SLTM: variants seen among roughly 807,000 people sequenced by gnomAD.
SLTM encodes the protein SAFB-like transcription modulator.
SLTM carries 43 observed loss-of-function variants against 134.6 expected under a neutral mutation model. That is an observed-to-expected ratio of 0.32 (90% CI 0.25 to 0.41). The LOEUF is 0.41. SLTM is among the 10% of genes least tolerant of loss of function. SLTM has a pLI of 1.00. For synonymous variants in SLTM, 424 were observed against 432.3 expected (o/e 0.98, Z 0.24); for missense variants, 1,055 against 1,288.8 (o/e 0.82, Z 2.78).
chr15:58,910,711 C>T (rs1255605692), intron 5 of SLTM, among the ~76,000 whole-genome samples: 1 of 149,062 alleles, frequency 6.7e-6, no homozygotes, highest in African/African-American at 2.5e-5. Context: ...AAGGTACTCT[C>T]TCAATTTGAG....
intron 2 of SLTM, among the ~76,000 whole-genome samples, chr15:58,930,065 T>C (rs2037758366): frequency 6.6e-6 from 1 of 152,144 alleles, no homozygotes; most frequent in Non-Finnish European, 1.5e-5. Flanking sequence ...CTAGAGCTTT[T>C]TGTCATGCAT....
At position 58,922,402 on chromosome 15, in the gene SLTM, T is replaced by G. The variant is rs1161343287; in HGVS notation, c.251-5403A>C. On this transcript the variant is annotated intron_variant, in intron 2 of 20. Transcript: ENST00000380516. Reference sequence around the variant, plus strand: ...CAAAAAAAAAAAAAAAAAAAAAAGCTATAATGTTTATCAGCCAGCTCAGAA... The same window carrying G: ...CAAAAAAAAAAAAAAAAAAAAAAGCGATAATGTTTATCAGCCAGCTCAGAA... Among the ~76,000 whole-genome samples, 6 of 95,376 alleles carry G rather than the reference T, an allele frequency of 6.3e-5. No homozygotes were observed. In the East Asian group the frequency reaches 1.4e-3, roughly 23 times the overall value. The allele number at this position is 95,376 out of a possible 152,430, so 62.6% of individuals were successfully genotyped here. A position where few individuals can be genotyped will look rare whatever the true frequency, so the allele number is the denominator to read the frequency against.
At position 58,899,227 on chromosome 15, in the gene SLTM, CA is replaced by C; in HGVS notation, c.1058+241del. On this transcript the variant is annotated intron_variant, in intron 7 of 20. Coordinates refer to ENST00000380516, the MANE Select transcript of SLTM (RefSeq NM_024755.4). The surrounding 1 kb of genome is among the most constrained non-coding windows in gnomAD (Gnocchi z 5.0). ...CAATTTGAAAAAAAAAAACAAAAAACAAAAAACAACAAAAAAACCAAATATA... is the reference window on the plus strand; with the variant it reads ...CAATTTGAAAAAAAAAAACAAAAAACAAAAACAACAAAAAAACCAAATATA... The C allele has an allele frequency of 2.5e-6, 1 of 405,572 alleles. No individual in the cohort carries two copies. The highest frequency in any genetic ancestry group is 4.3e-6 in the Non-Finnish European group (1 of 232,452). 25.1% of individuals were successfully genotyped at this position (405,572 alleles called of 1,614,324 possible).
At chr15:58,920,626 A>ATAAT (rs1156754030) in intron 2 of SLTM, among the ~76,000 whole-genome samples, 1 of 49,578 alleles carries the variant, frequency 2.0e-5, no homozygotes, top group Non-Finnish European at 3.8e-5. Context: ...CCATCTCAAA[A>ATAAT]TAATAAATAA....
In SLTM at chr15:58,879,893, C is replaced by A. The variant is rs1057159275; in HGVS notation, c.*106G>T. The stretch of plus-strand genomic sequence containing the variant: ...ATGTTAAATTTTTAAAAAGAAAAGT[C>A]TGACAGAACTCTCAAGCAAGTCAGA... On this transcript the variant is annotated 3_prime_UTR_variant, in exon 21 of 21. Coordinates refer to ENST00000380516, the MANE Select transcript of SLTM (RefSeq NM_024755.4). 1.5e-6 allele frequency: 2 copies of A among 1,337,580 alleles called. No homozygotes were observed. Among genetic ancestry groups the A allele is most frequent in the Admixed American group, 2.7e-5 (1 of 37,164 alleles). 82.9% of individuals were successfully genotyped at this position (1,337,580 alleles called of 1,614,324 possible).
intron 6 of SLTM, chr15:58,900,791 A>C (rs2035432726): frequency 6.0e-6 from 1 of 166,664 alleles, no homozygotes; most frequent in African/African-American, 2.4e-5. Context: ...AGCTCGTCTA[A>C]ACTAAAATTG....
At chr15:58,889,627 T>C (rs2034507469) in intron 15 of SLTM, 73 bp from the exon 16 acceptor site, 1 of 1,570,858 alleles carries the variant, frequency 6.4e-7, no homozygotes, top group South Asian at 1.2e-5. Context: ...TGCAACCTTG[T>C]TTTAATCCTG....
chr15:58,912,713 T>A, intron 4 of SLTM, 103 bp from the exon 5 acceptor site: 4 of 924,970 alleles, frequency 4.3e-6, no homozygotes, highest in Non-Finnish European at 5.1e-6. Context: ...GTGTTCTGTA[T>A]AATATCTGCG....
intron 5 of SLTM, among the ~76,000 whole-genome samples, chr15:58,902,393 T>TG (rs1347328003): frequency 6.6e-6 from 1 of 150,618 alleles, no homozygotes; most frequent in Admixed American, 6.6e-5. Flanking sequence ...TTGATTGTTT[T>TG]TTTTTTTTTT....
intron 5 of SLTM, among the ~76,000 whole-genome samples, chr15:58,905,494 C>T (rs567796326): frequency 2.6e-4 from 39 of 152,084 alleles, no homozygotes; most frequent in African/African-American, 8.7e-4. Flanking sequence ...CTTGAGGCCA[C>T]GAGTTTGAGA....
chr15:58,881,745 G>A (rs760585568), intron 20 of SLTM, among the ~76,000 whole-genome samples: 1 of 152,078 alleles, frequency 6.6e-6, no homozygotes, highest in Non-Finnish European at 1.5e-5. Flanking sequence ...CTAAAATGAG[G>A]AATAAGGGAT....
chr15:58,924,389 A>C (rs1188866735), intron 2 of SLTM, among the ~76,000 whole-genome samples: 1 of 152,226 alleles, frequency 6.6e-6, no homozygotes, highest in Non-Finnish European at 1.5e-5. Flanking sequence ...GTATAAGCCC[A>C]AAAATTCTTA....
rs180913655 is a variant in SLTM, at chr15:58,879,351, G to C, written c.*648C>G. The C allele has an allele frequency of 6.6e-6, 1 of 152,540 alleles. No individual in the cohort carries two copies. Among genetic ancestry groups the C allele is most frequent in the East Asian group, 1.9e-4 (1 of 5,180 alleles). The allele number at this position is 152,540 out of a possible 1,614,324, so 9.4% of individuals were successfully genotyped here. On this transcript the variant is annotated 3_prime_UTR_variant, in exon 21 of 21. Transcript: ENST00000380516. Reference sequence around the variant, plus strand: ...ATTTGGTTTCATACCATGCAAACCTGAACAAGTGTGCTGCTACACTAAACT... The same window carrying C: ...ATTTGGTTTCATACCATGCAAACCTCAACAAGTGTGCTGCTACACTAAACT...
At chr15:58,920,197 A>T (rs138319003) in intron 2 of SLTM, among the ~76,000 whole-genome samples, 1 of 152,064 alleles carries the variant, frequency 6.6e-6, no homozygotes, top group Non-Finnish European at 1.5e-5. Context: ...CACGCCTGTA[A>T]TCCCAGCTAC....
intron 20 of SLTM, among the ~76,000 whole-genome samples, chr15:58,880,890 A>C (rs1221046718): frequency 2.0e-5 from 3 of 152,148 alleles, no homozygotes; most frequent in African/African-American, 7.2e-5. Flanking sequence ...CAAGCCCTCC[A>C]GGTGATTCTG....
At chr15:58,889,595 GA>G in intron 15 of SLTM, 41 bp from the exon 16 acceptor site, 1 of 1,610,106 alleles carries the variant, frequency 6.2e-7, no homozygotes, top group Non-Finnish European at 8.5e-7. Flanking sequence ...AAGGCAAAAT[GA>G]AAACATAAGA....
intron 8 of SLTM, 64 bp downstream of exon 8, chr15:58,898,736 AACT>A (rs559637078): frequency 8.1e-6 from 10 of 1,232,246 alleles, no homozygotes; most frequent in South Asian, 6.5e-5. Context: ...AACACCGCGC[AACT>A]ACTACTTTTT....
At chr15:58,918,958 A>T (rs1395395334) in intron 2 of SLTM, among the ~76,000 whole-genome samples, 2 of 151,154 alleles carry the variant, frequency 1.3e-5, no homozygotes, top group Non-Finnish European at 2.9e-5. Flanking sequence ...TCTGTCGCCC[A>T]GGGTGGAAGG....
intron 2 of SLTM, among the ~76,000 whole-genome samples, chr15:58,922,557 ATGTATATAAT>A (rs2037156177): frequency 3.3e-4 from 2 of 5,988 alleles, no homozygotes; most frequent in Non-Finnish European, 5.1e-4. Flanking sequence ...TGTATATAAT[ATGTATATAAT>A]ATATATTATA....
Sources: gnomAD v4.1 joint callset for allele counts (sites outside exome capture counted in the v4.1 genomes callset) on GRCh38, gnomAD v4.1.1 for gene constraint, Gnocchi (gnomAD v3.1) non-coding constraint, MANE v1.5 for transcripts, NCBI Gene and HGNC (gene_info 2026-07-23, HGNC 2026-07-21) for gene names.